The following HMCN1 variants were observed in gnomAD, a reference collection of about 807,000 sequenced individuals.
HMCN1 encodes the protein hemicentin 1, also known as hemicentin-1.
In HMCN1, 321 loss-of-function variants were observed where a neutral mutation model predicts 625.9. The observed-to-expected ratio is 0.51, with a 90% confidence interval of 0.47 to 0.56. The LOEUF (loss-of-function observed/expected upper bound fraction) is 0.56, where lower values mean the gene tolerates loss of function less well. HMCN1 is among the 20% of genes least tolerant of loss of function. The pLI is 0.00. For synonymous variants in HMCN1, 2,425 were observed against 2,417.6 expected, an observed-to-expected ratio of 1.00 and a Z score of -0.09; for missense variants, 6,588 against 6,887.3, an observed-to-expected ratio of 0.96 and a Z score of 1.54.
chr1:186,117,175 T>C (rs968539752), intron 76 of HMCN1, 60 bp downstream of exon 76: 1 of 1,600,482 alleles, frequency 6.2e-7, no homozygotes, highest in Non-Finnish European at 8.5e-7. Flanking sequence ...GTTATTCTAC[T>C]ACTTTACAAA....
intron 15 of HMCN1, among the ~76,000 whole-genome samples, chr1:185,974,129 A>C (rs545651546): frequency 5.0e-4 from 76 of 152,336 alleles, no homozygotes; most frequent in African/African-American, 1.8e-3. Context: ...CTGTGGCATT[A>C]ACCCTGTGCA....
intron 105 of HMCN1, among the ~76,000 whole-genome samples, chr1:186,187,436 A>T (rs2102681992): frequency 6.6e-6 from 1 of 152,324 alleles, no homozygotes; most frequent in Non-Finnish European, 1.5e-5. Context: ...ACAATTTGAC[A>T]TTATAAAACA....
At chr1:185,742,928 G>A (rs566212898) in intron 1 of HMCN1, among the ~76,000 whole-genome samples, 1 of 152,252 alleles carries the variant, frequency 6.6e-6, no homozygotes, top group African/African-American at 2.4e-5. Flanking sequence ...AAATGTGTTA[G>A]GCATGTTTCC....
intron 1 of HMCN1, among the ~76,000 whole-genome samples, chr1:185,773,216 C>A (rs1656367628): frequency 6.6e-6 from 1 of 152,126 alleles, no homozygotes; most frequent in Admixed American, 6.6e-5. Context: ...AAGCTACTGG[C>A]ATGTAGGATG....
intron 10 of HMCN1, among the ~76,000 whole-genome samples, chr1:185,933,179 C>T (rs1374478448): frequency 6.6e-6 from 1 of 152,086 alleles, no homozygotes; most frequent in Non-Finnish European, 1.5e-5. Flanking sequence ...CTTTACAACG[C>T]TAAATACATA....
At chr1:185,951,785 T>C (rs371824948) in intron 11 of HMCN1, among the ~76,000 whole-genome samples, 1 of 148,208 alleles carries the variant, frequency 6.7e-6, no homozygotes, top group South Asian at 2.1e-4. Flanking sequence ...GAGGAGGTTC[T>C]GGAGGAACGC....
intron 97 of HMCN1, 123 bp downstream of exon 97, chr1:186,154,110 A>G (rs1235662391): frequency 9.8e-6 from 8 of 812,510 alleles, no homozygotes; most frequent in South Asian, 3.0e-5. Flanking sequence ...TGTGTTGTCT[A>G]TGCCTTTTTG....
intron 1 of HMCN1, among the ~76,000 whole-genome samples, chr1:185,740,181 T>G (rs1241141499): frequency 2.6e-5 from 4 of 152,180 alleles, no homozygotes; most frequent in Non-Finnish European, 5.9e-5. Context: ...GTTGGCATTT[T>G]AGGGTTCTGA....
chr1:185,836,071 A>C (rs1240976078), intron 1 of HMCN1, among the ~76,000 whole-genome samples: 2 of 152,210 alleles, frequency 1.3e-5, no homozygotes, highest in African/African-American at 4.8e-5. Flanking sequence ...AATACTTAAA[A>C]TATTTCACCT....
chr1:185,939,289 T>C (rs1261752469), intron 11 of HMCN1, among the ~76,000 whole-genome samples: 1 of 152,196 alleles, frequency 6.6e-6, no homozygotes, highest in Non-Finnish European at 1.5e-5. Flanking sequence ...TATTTCATTA[T>C]GAGAATTCCT....
chr1:186,097,171 A>G (rs1477132437), intron 68 of HMCN1, among the ~76,000 whole-genome samples: 8 of 152,158 alleles, frequency 5.3e-5, no homozygotes, highest in Admixed American at 5.2e-4. Flanking sequence ...GAAATGATAA[A>G]CAAATTCAGT....
At chr1:185,877,479 T>G (rs116606000) in intron 4 of HMCN1, among the ~76,000 whole-genome samples, 1 of 151,676 alleles carries the variant, frequency 6.6e-6, no homozygotes, top group Non-Finnish European at 1.5e-5. Flanking sequence ...ATTTCAGGAT[T>G]TTTTTTCTAA....
chr1:186,125,604 T>C lies in HMCN1; in HGVS notation c.12500T>C (p.Val4167Ala). ...SSTSTKLTVH[V>A]PPRIRSTEGH... ...TGACTCTTTTTTAAACTCTTCATAG[T>C]ACCACCCAGGATCAGAAGTACAGAA... The change falls in exon 82 of 107, where the codon GTA (valine) becomes GCA (alanine). Residue 4167 changes from valine (V) to alanine (A), a missense_variant and splice_region_variant. Val to Ala is a moderately conservative substitution (Grantham distance 64, BLOSUM62 0). Coordinates refer to ENST00000271588, the MANE Select transcript of HMCN1 (RefSeq NM_031935.3). 3.7e-6 allele frequency: 6 copies of C among 1,611,462 alleles called. No homozygotes were observed. The highest frequency in any genetic ancestry group is 1.3e-5 in the African/African-American group (1 of 74,946).
chr1:185,980,905 T>G, intron 16 of HMCN1, 73 bp from the exon 17 acceptor site: 1 of 930,214 alleles, frequency 1.1e-6, no homozygotes, highest in Non-Finnish European at 1.8e-6. Context: ...TGCACAGATC[T>G]CAGCACTGTT....
chr1:186,156,426 A>G (rs1324675496), intron 97 of HMCN1, among the ~76,000 whole-genome samples: 1 of 152,208 alleles, frequency 6.6e-6, no homozygotes, highest in Admixed American at 6.6e-5. Context: ...AATGTGAAGA[A>G]ACTGTTTACC....
chr1:186,178,611 A>G lies in HMCN1; in HGVS notation c.16139A>G (p.Asn5380Ser). ...YNLARFSPVR[N>S]NYQPQQHYRQ... is the part of the protein sequence containing the mutation. ...CTTGCACGGTTCTCCCCTGTGAGAA[A>G]CAACTATCAACCTCAACAGCATTAC... Residue 5380 changes from asparagine (N) to serine (S), a missense_variant, in exon 104 of 107, where the codon AAC becomes AGC. Physicochemically the swap from Asn to Ser is conservative, Grantham distance 46. Around this residue, in one of 3 missense-constraint regions of HMCN1, gnomAD observed 1,954 missense variants for 2,013.1 expected, o/e 0.97. Coordinates refer to ENST00000271588, the MANE Select transcript of HMCN1 (RefSeq NM_031935.3). The G allele has an allele frequency of 6.2e-7, 1 of 1,614,164 alleles. No individual in the cohort carries two copies. The highest frequency in any genetic ancestry group is 8.5e-7 in the Non-Finnish European group (1 of 1,179,998).
chr1:186,098,713 G>A (rs1405695072), intron 68 of HMCN1, among the ~76,000 whole-genome samples: 3 of 151,994 alleles, frequency 2.0e-5, no homozygotes, highest in Admixed American at 2.0e-4. Flanking sequence ...AAATCAGTAT[G>A]TCAAATAAAT....
At chr1:186,069,822 C>T (rs747923588) in intron 51 of HMCN1, 46 bp downstream of exon 51, 26 of 1,280,758 alleles carry the variant, frequency 2.0e-5, no homozygotes, top group Non-Finnish European at 2.8e-5. Context: ...CCCAATTTTT[C>T]TAACTTTTTC....
At position 186,074,760 on chromosome 1, in the gene HMCN1, A is replaced by G; in HGVS notation, c.8159A>G (p.His2720Arg). 6.2e-7 allele frequency: 1 copy of G among 1,613,052 alleles called. No individual in the cohort carries two copies. Among genetic ancestry groups the G allele is most frequent in the Non-Finnish European group, 8.5e-7 (1 of 1,179,314 alleles). ...KDGQPLKSDD[H>R]VNIAANGHTL... ...TCACAGCCCCTTAAATCCGATGATC[A>G]TGTTAATATTGCTGCGAATGGACAC... is the stretch of plus-strand genomic sequence containing the variant. Residue 2720 changes from histidine (H) to arginine (R), a missense_variant, in exon 53 of 107, where the codon CAT (histidine) becomes CGT (arginine). This residue lies in a region of HMCN1 where 4,628 missense variants were observed against 4,853.1 expected (regional missense o/e 0.95). Coordinates refer to ENST00000271588, the MANE Select transcript of HMCN1 (RefSeq NM_031935.3).
Sources: allele counts gnomAD v4.1 joint callset (sites outside exome capture counted in the v4.1 genomes callset), GRCh38; gene constraint gnomAD v4.1.1; regional missense constraint gnomAD v4.1.1; transcripts MANE v1.5; gene names NCBI Gene and HGNC (gene_info 2026-07-23, HGNC 2026-07-21).